The following EPN2 variants were observed in gnomAD, a reference collection of about 807,000 sequenced individuals.
EPN2 encodes the protein epsin-2.
In EPN2, 34 loss-of-function variants were observed where a neutral mutation model predicts 61.7. That is an observed-to-expected ratio of 0.55 (90% CI 0.42 to 0.73). The LOEUF (loss-of-function observed/expected upper bound fraction) is 0.73, where lower values mean the gene tolerates loss of function less well. EPN2 is among the 30% of genes least tolerant of loss of function. The pLI is 0.00. For missense variants in EPN2, 714 were observed against 839.2 expected, an observed-to-expected ratio of 0.85 and a Z score of 1.84; for synonymous variants, 349 against 353.6, an observed-to-expected ratio of 0.99 and a Z score of 0.15.
rs1433734671 is a variant in EPN2 at position 19,325,385 on chromosome 17, T to C, written c.1148-3326T>C. ...TTACAAAACCCAAGCCAGGGAAATA[T>C]TTTCAAAGATGTACATTATGAAGTA... On this transcript the variant is annotated intron_variant, in intron 7 of 10. Transcript: ENST00000314728. Among the ~76,000 whole-genome samples, 4 of 152,310 alleles carry C rather than the reference T, an allele frequency of 2.6e-5. 1 individual carries two copies. In the Middle Eastern group the frequency reaches 0.01, roughly 389 times the overall value.
chr17:19,309,800 G>A, intron 4 of EPN2, 85 bp from the exon 5 acceptor site: 1 of 1,020,652 alleles, frequency 9.8e-7, no homozygotes, highest in Non-Finnish European at 1.5e-6. Flanking sequence ...AGATGGGAAT[G>A]GAATGTGGTC....
chr17:19,249,782 T>G (rs1175756560), intron 1 of EPN2, among the ~76,000 whole-genome samples: 1 of 152,202 alleles, frequency 6.6e-6, no homozygotes, highest in African/African-American at 2.4e-5. Context: ...ACAATGCAGT[T>G]GTATAGGCGG....
In EPN2 at chr17:19,311,355, AT is replaced by A. The variant is rs201594465; in HGVS notation, c.880-696del. Among the ~76,000 whole-genome samples, 49 of 152,320 alleles carry A rather than the reference AT, an allele frequency of 3.2e-4. No homozygotes were observed. The East Asian group carries it at 8.5e-3, about 26-fold the overall frequency. On this transcript the variant is annotated intron_variant, in intron 5 of 10. Transcript: ENST00000314728. ...TTTTAGTTAATATTTATAATAAAATATAAGGGAGCAAGTTCAAACTCCCGTG... is the reference window on the plus strand; with the variant it reads ...TTTTAGTTAATATTTATAATAAAATAAAGGGAGCAAGTTCAAACTCCCGTG...
At chr17:19,264,905 A>C (rs1380786793) in intron 1 of EPN2, among the ~76,000 whole-genome samples, 1 of 152,068 alleles carries the variant, frequency 6.6e-6, no homozygotes, top group Non-Finnish European at 1.5e-5. Flanking sequence ...AGGAGGGTGG[A>C]GGGAAAGCCG....
chr17:19,334,167 C>T lies in EPN2; in HGVS notation c.1839C>T (p.Gly613=). The T allele has an allele frequency of 6.3e-7, 1 of 1,595,064 alleles. No individual in the cohort carries two copies. Among genetic ancestry groups the T allele is most frequent in the Non-Finnish European group, 8.6e-7 (1 of 1,169,058 alleles). Residue 613 remains glycine (G), a synonymous_variant, in exon 11 of 11, where the codon GGC becomes GGT. Coordinates refer to ENST00000314728, the MANE Select transcript of EPN2 (RefSeq NM_014964.5). The surrounding 1 kb of genome is among the most constrained non-coding windows in gnomAD (Gnocchi z 4.9). ...GATGSSLTPL[G]PAMMNMVGSV... is the part of the protein sequence containing the mutation. ...CTGGTTCCTCTCTGACACCACTGGGCCCTGCAATGATGAACATGGTGGGCA... is the reference window on the plus strand; with the variant it reads ...CTGGTTCCTCTCTGACACCACTGGGTCCTGCAATGATGAACATGGTGGGCA...
chr17:19,335,581 AC>A lies in EPN2; in HGVS notation c.*1328del. ...TGGGGTGGGGGGTGCTTCTGTGCCC[AC>A]GGGTCCCTGGGCAACAGTCCCTAGG... On this transcript the variant is annotated 3_prime_UTR_variant, in exon 11 of 11. Transcript: ENST00000314728. 6.1e-6 allele frequency: 6 copies of A among 985,974 alleles called. No homozygotes were observed. Among genetic ancestry groups the A allele is most frequent in the South Asian group, 1.9e-5 (1 of 52,672 alleles). 61.1% of individuals were successfully genotyped at this position (985,974 alleles called of 1,614,324 possible).
intron 4 of EPN2, among the ~76,000 whole-genome samples, chr17:19,287,643 C>A (rs114731999): frequency 6.6e-6 from 1 of 152,076 alleles, no homozygotes; most frequent in Non-Finnish European, 1.5e-5. Flanking sequence ...AGAATGATGC[C>A]GGCCATTCAG....
chr17:19,252,233 C>T (rs1167126255), intron 1 of EPN2, among the ~76,000 whole-genome samples: 1 of 152,062 alleles, frequency 6.6e-6, no homozygotes, highest in Admixed American at 6.6e-5. Context: ...TTTTGTGTGC[C>T]TTCTGTGAAG....
chr17:19,316,050 T>C (rs1467866467), intron 7 of EPN2, among the ~76,000 whole-genome samples: 1 of 152,366 alleles, frequency 6.6e-6, no homozygotes, highest in East Asian at 1.9e-4. Flanking sequence ...ATCAATGTTA[T>C]AGCGTGTGTC....
chr17:19,332,105 G>A (rs1907185297), intron 10 of EPN2, 37 bp downstream of exon 10: 1 of 1,514,956 alleles, frequency 6.6e-7, no homozygotes, highest in Non-Finnish European at 9.1e-7. Flanking sequence ...ATTGCCTGCT[G>A]TGCCTGGGAA....
chr17:19,252,604 C>T (rs2045026765), intron 1 of EPN2, among the ~76,000 whole-genome samples: 1 of 152,154 alleles, frequency 6.6e-6, no homozygotes, highest in Non-Finnish European at 1.5e-5. Flanking sequence ...TGAAGACTGA[C>T]CACCAGCCTT....
chr17:19,280,810 A>G (rs969613734), intron 1 of EPN2, among the ~76,000 whole-genome samples: 1 of 152,190 alleles, frequency 6.6e-6, no homozygotes, highest in African/African-American at 2.4e-5. Flanking sequence ...AGATAGCTTC[A>G]GATCCCATAT....
At chr17:19,241,820 A>G (rs1216250658) in intron 1 of EPN2, among the ~76,000 whole-genome samples, 1 of 152,136 alleles carries the variant, frequency 6.6e-6, no homozygotes, top group Non-Finnish European at 1.5e-5. Flanking sequence ...TGAGGCCCAG[A>G]GAGGTTAAGT....
chr17:19,298,802 A>G (rs190573896), intron 4 of EPN2, among the ~76,000 whole-genome samples: 205 of 152,370 alleles, frequency 1.3e-3, no homozygotes, highest in African/African-American at 4.5e-3. Context: ...CTAATAATGT[A>G]TGCACTTCAC....
chr17:19,289,375 C>T (rs953390975), intron 4 of EPN2, among the ~76,000 whole-genome samples: 1 of 151,878 alleles, frequency 6.6e-6, no homozygotes, highest in Admixed American at 6.6e-5. Flanking sequence ...TGAGCCACCG[C>T]ACCTGGACGA....
intron 7 of EPN2, among the ~76,000 whole-genome samples, chr17:19,316,545 TC>T (rs1489817346): frequency 6.6e-6 from 1 of 152,242 alleles, no homozygotes; most frequent in African/African-American, 2.4e-5. Flanking sequence ...CCTGGAAAAG[TC>T]ACCACAAATT....
At chr17:19,302,702 T>A (rs1254951217) in intron 4 of EPN2, among the ~76,000 whole-genome samples, 1 of 152,232 alleles carries the variant, frequency 6.6e-6, no homozygotes, top group Non-Finnish European at 1.5e-5. Flanking sequence ...ATAAATGTAA[T>A]GTGCTTGAAT....
chr17:19,264,173 GA>G (rs2045172622), intron 1 of EPN2, among the ~76,000 whole-genome samples: 1 of 152,164 alleles, frequency 6.6e-6, no homozygotes, highest in Non-Finnish European at 1.5e-5. Flanking sequence ...AAACCAAAAG[GA>G]AAATAACAAC....
intron 7 of EPN2, among the ~76,000 whole-genome samples, chr17:19,323,495 C>T (rs112050173): frequency 3.9e-5 from 6 of 152,318 alleles, no homozygotes; most frequent in African/African-American, 1.4e-4. Flanking sequence ...AAATCCCCAC[C>T]TGGACATATC....
Sources: allele counts gnomAD v4.1 joint callset (sites outside exome capture counted in the v4.1 genomes callset), GRCh38; gene constraint gnomAD v4.1.1; non-coding constraint Gnocchi (gnomAD v3.1); transcripts MANE v1.5; gene names NCBI Gene and HGNC (gene_info 2026-07-23, HGNC 2026-07-21).